The following ANKK1 variants were observed in gnomAD, a reference collection of about 807,000 sequenced individuals.
The protein encoded by ANKK1 is ankyrin repeat and kinase domain containing 1.
A neutral mutation model predicts 37.6 loss-of-function variants in ANKK1; 37 were observed. That is an observed-to-expected ratio of 0.98 (90% CI 0.76 to 1.29). ANKK1 has a LOEUF of 1.29. ANKK1 is among the 50% of genes most tolerant of loss of function. ANKK1 has a pLI of 0.00. For missense variants in ANKK1, 1,019 were observed against 990.6 expected (o/e 1.03, Z -0.39); for synonymous variants, 415 against 418.7 (o/e 0.99, Z 0.11).
In ANKK1 at chr11:113,399,796, C is replaced by A; in HGVS notation, c.1827C>A (p.Ile609=). 5.0e-6 allele frequency: 8 copies of A among 1,603,486 alleles called. No homozygotes were observed. Among genetic ancestry groups the A allele is most frequent in the Non-Finnish European group, 6.8e-6 (8 of 1,175,334 alleles). ...LAAYKGHLEI[I]HLLAESHANM... ...CCTACAAGGGCCACCTGGAGATCAT[C>A]CATCTGCTGGCAGAGAGCCACGCAA... is the stretch of plus-strand genomic sequence containing the variant. Residue 609 remains isoleucine (I), a synonymous_variant, in exon 8 of 8, where the codon ATC becomes ATA. Transcript: ENST00000303941.
At chr11:113,394,078 G>A (rs1215210880) in intron 2 of ANKK1, among the ~76,000 whole-genome samples, 1 of 152,140 alleles carries the variant, frequency 6.6e-6, no homozygotes, top group Non-Finnish European at 1.5e-5. Flanking sequence ...GTGTAAATGA[G>A]ACAATCCCTA....
At chr11:113,393,850 C>G (rs78136394) in intron 2 of ANKK1, 75 bp downstream of exon 2, 3 of 1,465,178 alleles carry the variant, frequency 2.0e-6, no homozygotes, top group East Asian at 2.3e-5. Context: ...ATCCACCTGC[C>G]TGACCGGCCT....
rs769529971 is a variant in ANKK1 at position 113,399,834 on chromosome 11, T to C, written c.1865T>C (p.Leu622Pro). 1.5e-5 allele frequency: 24 copies of C among 1,609,450 alleles called. No individual in the cohort carries two copies. The East Asian group carries it at 5.1e-4, about 34-fold the overall frequency. Residue 622 changes from leucine to proline, a missense_variant, in exon 8 of 8, where the codon CTT becomes CCT. Transcript: ENST00000303941. ...LAESHANMGA[L>P]GAVNWTPLHL... ...GAGAGCCACGCAAACATGGGTGCTC[T>C]TGGAGCTGTGAACTGGACTCCCCTG...
At chr11:113,396,635 T>C (rs993863687) in intron 5 of ANKK1, among the ~76,000 whole-genome samples, 1 of 152,102 alleles carries the variant, frequency 6.6e-6, no homozygotes, top group Non-Finnish European at 1.5e-5. Flanking sequence ...CCACTGTACC[T>C]GGCCTAGAAG....
intron 5 of ANKK1, 119 bp downstream of exon 5, chr11:113,396,341 AC>A: frequency 2.7e-5 from 30 of 1,102,614 alleles, no homozygotes; most frequent in Non-Finnish European, 3.5e-5. Flanking sequence ...GCCTAGAAGG[AC>A]TTTTTTTTTT....
Position 113,393,587 on chromosome 11 carries a change from A to G in ANKK1, c.292A>G (p.Met98Val). The G allele has an allele frequency of 1.2e-6, 2 of 1,613,990 alleles. No individual in the cohort carries two copies. Among genetic ancestry groups the G allele is most frequent in the Non-Finnish European group, 1.7e-6 (2 of 1,179,894 alleles). Residue 98 changes from methionine (M) to valine (V), a missense_variant, in exon 2 of 8, where the codon ATG becomes GTG. Physicochemically the swap from Met to Val is conservative, Grantham distance 21 (BLOSUM62 1). Transcript: ENST00000303941. ...GTGCAAGCAGCCCCTGGGTATTGTG[A>G]TGGAGTTTATGGCCAACGGCTCCCT... Reference protein sequence around the residue: ...GVCKQPLGIVMEFMANGSLEK... With the variant: ...GVCKQPLGIVVEFMANGSLEK...
chr11:113,397,231 C>A lies in ANKK1; in HGVS notation c.846C>A (p.Thr282=). Residue 282 remains threonine (T), a synonymous_variant, in exon 6 of 8, where the codon ACC becomes ACA. Transcript: ENST00000303941. ...CTCCCACTCATGGAGCAGACATTAC[C>A]ATCGAGACAGACATACTGCTGTCAC... ...PKKRPCFLDI[T]IETDILLSLL... The A allele has an allele frequency of 1.9e-6, 3 of 1,607,830 alleles. No homozygotes were observed. The highest frequency in any genetic ancestry group is 2.5e-6 in the Non-Finnish European group (3 of 1,179,672).
At chr11:113,398,111 A>T in intron 7 of ANKK1, 95 bp downstream of exon 7, 2 of 1,414,528 alleles carry the variant, frequency 1.4e-6, no homozygotes, top group Non-Finnish European at 1.9e-6. Flanking sequence ...CCTCCCCCTC[A>T]TCCCCAGGCC....
intron 7 of ANKK1, 120 bp from the exon 8 acceptor site, chr11:113,398,844 T>C (rs1393020284): frequency 3.5e-6 from 3 of 847,040 alleles, no homozygotes; most frequent in Non-Finnish European, 5.4e-6. Flanking sequence ...AGGAAAGGCA[T>C]TGCCCTTACT....
chr11:113,399,991 T>G lies in ANKK1; in HGVS notation c.2022T>G (p.Ser674Arg). The change falls in exon 8 of 8, where the codon AGT (serine) becomes AGG (arginine). Residue 674 changes from serine (S) to arginine (R), a missense_variant. Ser to Arg is a moderately radical substitution (Grantham distance 110). Coordinates refer to ENST00000303941, the MANE Select transcript of ANKK1 (RefSeq NM_178510.2). ...HLAVQRSTFLSVINLLEHHAN... is the reference protein window; with the variant it reads ...HLAVQRSTFLRVINLLEHHAN... ...CGGTCCAGAGGAGCACCTTCCTGAG[T>G]GTCATCAACCTCCTAGAACATCACG... 1 of 1,613,450 alleles carries G rather than the reference T, an allele frequency of 6.2e-7. No individual in the cohort carries two copies. The highest frequency in any genetic ancestry group is 8.5e-7 in the Non-Finnish European group (1 of 1,179,818).
chr11:113,399,045 A>G lies in ANKK1; in HGVS notation c.1076A>G (p.Tyr359Cys). 1.2e-6 allele frequency: 2 copies of G among 1,603,478 alleles called. No homozygotes were observed. Among genetic ancestry groups the G allele is most frequent in the Admixed American group, 1.7e-5 (1 of 58,862 alleles). Residue 359 changes from tyrosine (Y) to cysteine (C), a missense_variant, in exon 8 of 8, where the codon TAT becomes TGT. By Grantham distance (194) the Tyr-to-Cys change is radical. Coordinates refer to ENST00000303941, the MANE Select transcript of ANKK1 (RefSeq NM_178510.2). Reference sequence around the variant, plus strand: ...CCGAGAGATGAGGAACTGTGTATCTATGAGAACAAGGTCACCCCCCTCCAC... The same window carrying G: ...CCGAGAGATGAGGAACTGTGTATCTGTGAGAACAAGGTCACCCCCCTCCAC... ...LVPRDEELCI[Y>C]ENKVTPLHFL...
intron 4 of ANKK1, 53 bp from the exon 5 acceptor site, chr11:113,396,014 T>G: frequency 6.3e-7 from 1 of 1,592,546 alleles, no homozygotes; most frequent in Non-Finnish European, 8.6e-7. Flanking sequence ...CCTCCCCAGC[T>G]CCCCTCCAGC....
intron 2 of ANKK1, 79 bp from the exon 3 acceptor site, chr11:113,394,850 A>T: frequency 6.4e-7 from 1 of 1,558,468 alleles, no homozygotes; most frequent in Non-Finnish European, 8.8e-7. Flanking sequence ...GGCAGATAGC[A>T]GGAGGGGTGA....
At chr11:113,388,607 C>T (rs1352413274) in intron 1 of ANKK1, among the ~76,000 whole-genome samples, 4 of 152,210 alleles carry the variant, frequency 2.6e-5, no homozygotes, top group African/African-American at 9.6e-5. Flanking sequence ...ATGGAGACTG[C>T]CCGGCCTGAT....
rs1052040108 is a variant in ANKK1 at position 113,397,977 on chromosome 11, C to T, written c.958-3C>T. 26 of 1,559,796 alleles carry T rather than the reference C, an allele frequency of 1.7e-5. No individual in the cohort carries two copies. The highest frequency in any genetic ancestry group is 9.6e-5 in the Admixed American group (5 of 52,112). Reference sequence around the variant, plus strand: ...ACCCTGCCTGCTGGTTATGCCTCCCCAGGTTAATGAGGACATCAGCCAGGA... The same window carrying T: ...ACCCTGCCTGCTGGTTATGCCTCCCTAGGTTAATGAGGACATCAGCCAGGA... On this transcript the variant is annotated splice_region_variant and splice_polypyrimidine_tract_variant and intron_variant, in intron 6 of 7. Transcript: ENST00000303941.
intron 5 of ANKK1, 21 bp downstream of exon 5, chr11:113,396,243 A>G: frequency 6.2e-7 from 1 of 1,610,164 alleles, no homozygotes; most frequent in Non-Finnish European, 8.5e-7. Context: ...AGTGCCCCCT[A>G]CCCAGGGACT....
In ANKK1 at chr11:113,400,388, C is replaced by A; in HGVS notation, c.*121C>A. 1.9e-6 allele frequency: 2 copies of A among 1,063,862 alleles called. No homozygotes were observed. The highest frequency in any genetic ancestry group is 2.6e-6 in the Non-Finnish European group (2 of 761,500). The allele number at this position is 1,063,862 out of a possible 1,614,324, so 65.9% of individuals were successfully genotyped here. Reference sequence around the variant, plus strand: ...CCTGGCCAACATGGCAAAACCCTGTCTCTGCTAAAAATACAAAATTTAGCT... The same window carrying A: ...CCTGGCCAACATGGCAAAACCCTGTATCTGCTAAAAATACAAAATTTAGCT... On this transcript the variant is annotated 3_prime_UTR_variant, in exon 8 of 8. Transcript: ENST00000303941.
In ANKK1 at chr11:113,396,341, A is replaced by AT; in HGVS notation, c.838+119_838+120insT. ...ACTTTTGGTACTACGGCCTAGAAGG[A>AT]CTTTTTTTTTTTTTTTTTCAGAGAC... On this transcript the variant is annotated intron_variant, in intron 5 of 7. Coordinates refer to ENST00000303941, the MANE Select transcript of ANKK1 (RefSeq NM_178510.2). 3.6e-6 allele frequency: 4 copies of AT among 1,102,694 alleles called. No homozygotes were observed. The South Asian group carries it at 5.5e-5, about 15-fold the overall frequency. The allele number at this position is 1,102,694 out of a possible 1,614,324, so 68.3% of individuals were successfully genotyped here. A position where few individuals can be genotyped will look rare whatever the true frequency, so the allele number is the denominator to read the frequency against.
chr11:113,396,199 C>G lies in ANKK1; in HGVS notation c.815C>G (p.Pro272Arg), dbSNP rs760834011. The G allele has an allele frequency of 1.9e-6, 3 of 1,613,818 alleles. No homozygotes were observed. Among genetic ancestry groups the G allele is most frequent in the East Asian group, 4.5e-5 (2 of 44,874 alleles). Reference sequence around the variant, plus strand: ...ATGAAACGCTGCTGGGACCAGGACCCCAAGAAGAGGCCATGCTTTCTAGGT... The same window carrying G: ...ATGAAACGCTGCTGGGACCAGGACCGCAAGAAGAGGCCATGCTTTCTAGGT... ...DLMKRCWDQD[P>R]KKRPCFLDIT... Residue 272 changes from proline to arginine, a missense_variant, in exon 5 of 8, where the codon CCC becomes CGC. By Grantham distance (103) the Pro-to-Arg change is moderately radical. Transcript: ENST00000303941.
Sources: gnomAD v4.1 joint callset for allele counts (sites outside exome capture counted in the v4.1 genomes callset) on GRCh38, gnomAD v4.1.1 for gene constraint, MANE v1.5 for transcripts, NCBI Gene and HGNC (gene_info 2026-07-23, HGNC 2026-07-21) for gene names.